The following C1orf21 variants were observed in gnomAD, a reference collection of about 807,000 sequenced individuals.
The protein encoded by C1orf21 is chromosome 1 open reading frame 21.
C1orf21 carries 3 observed loss-of-function variants against 18.7 expected under a neutral mutation model. The observed-to-expected ratio is 0.16, with a 90% CI of 0.07 to 0.42. C1orf21 has a LOEUF of 0.42. Among genes scored for constraint, C1orf21 ranks in the 10% least tolerant of loss-of-function variants. The pLI is 0.99. For synonymous variants in C1orf21, 41 were observed against 46.4 expected, an observed-to-expected ratio of 0.88 and a Z score of 0.47; for missense variants, 104 against 143.6, an observed-to-expected ratio of 0.72 and a Z score of 1.41.
intron 3 of C1orf21, among the ~76,000 whole-genome samples, chr1:184,518,278 GA>G (rs1322985428): frequency 4.6e-5 from 7 of 152,162 alleles, no homozygotes; most frequent in African/African-American, 1.7e-4. Flanking sequence ...TTCGGGAACA[GA>G]ATACTGGGAG....
intron 1 of C1orf21, among the ~76,000 whole-genome samples, chr1:184,404,437 C>T (rs1310566297): frequency 6.6e-6 from 1 of 152,134 alleles, no homozygotes; most frequent in Admixed American, 6.5e-5. Flanking sequence ...CCAGTCTTGG[C>T]TTCCAAGATG....
intron 3 of C1orf21, among the ~76,000 whole-genome samples, chr1:184,546,940 T>G (rs1658736470): frequency 6.6e-6 from 1 of 152,160 alleles, no homozygotes; most frequent in Admixed American, 6.5e-5. Context: ...TGACCCAATC[T>G]AATGCACAGG....
intron 3 of C1orf21, chr1:184,542,770 G>A (rs994711844): frequency 6.6e-6 from 1 of 152,212 alleles, no homozygotes; most frequent in Non-Finnish European, 1.5e-5. Context: ...GATTGTCTTT[G>A]TGTCTCTGAG....
At chr1:184,423,496 G>A (rs1571351086) in intron 1 of C1orf21, among the ~76,000 whole-genome samples, 2 of 152,118 alleles carry the variant, frequency 1.3e-5, no homozygotes, top group Non-Finnish European at 2.9e-5. Context: ...TTTTTGAGTA[G>A]GAGGGTGACA....
At chr1:184,553,857 T>C (rs962604139) in intron 3 of C1orf21, among the ~76,000 whole-genome samples, 10 of 152,210 alleles carry the variant, frequency 6.6e-5, no homozygotes, top group African/African-American at 2.4e-4. Flanking sequence ...AGGTCATTGT[T>C]GTTATTTGTT....
chr1:184,429,423 T>A (rs1354103579), intron 1 of C1orf21, among the ~76,000 whole-genome samples: 1 of 152,224 alleles, frequency 6.6e-6, no homozygotes, highest in Non-Finnish European at 1.5e-5. Context: ...AAAGAATCTA[T>A]GCAAGTCTCC....
intron 3 of C1orf21, among the ~76,000 whole-genome samples, chr1:184,512,101 A>C (rs1390454195): frequency 2.6e-5 from 4 of 152,202 alleles, no homozygotes; most frequent in Non-Finnish European, 5.9e-5. Flanking sequence ...GGCCCTCCCT[A>C]GGTGGTCTGT....
At position 184,580,076 on chromosome 1, in the gene C1orf21, G is replaced by A. The variant is rs1659255550; in HGVS notation, c.190-10663G>A. 2.0e-5 allele frequency among the ~76,000 whole-genome samples: 3 copies of A among 152,218 alleles called. No individual in the cohort carries two copies. In the South Asian group the frequency reaches 6.2e-4, roughly 32 times the overall value. ...CAAAACACTCTCCTAATAATCAGGT[G>A]TTATCATTCTTTGGCCCTCCAGAAA... On this transcript the variant is annotated intron_variant, in intron 3 of 5. Transcript: ENST00000235307.
rs5779224 is a variant in C1orf21, at chr1:184,551,943, TA to T, written c.190-38781del. 9.8e-3 allele frequency among the ~76,000 whole-genome samples: 1,374 copies of T among 139,724 alleles called. 7 individuals are homozygous for T. Among genetic ancestry groups the T allele is most frequent in the South Asian group, 0.023 (98 of 4,318 alleles). The allele number at this position is 139,724 out of a possible 152,430, so 91.7% of individuals were successfully genotyped here. ...TGGGTGACAGAAAGAGACCCTGTCTTAAAAAAAAAAAAAAAGGAACCTTGAG... is the reference window on the plus strand; with the variant it reads ...TGGGTGACAGAAAGAGACCCTGTCTTAAAAAAAAAAAAAAGGAACCTTGAG... On this transcript the variant is annotated intron_variant, in intron 3 of 5. Coordinates refer to ENST00000235307, the MANE Select transcript of C1orf21 (RefSeq NM_030806.4).
At chr1:184,416,448 G>A (rs886856776) in intron 1 of C1orf21, among the ~76,000 whole-genome samples, 4 of 151,824 alleles carry the variant, frequency 2.6e-5, no homozygotes, top group African/African-American at 9.7e-5. Context: ...TGTCTAAGTG[G>A]GAAATGCTGT....
chr1:184,494,812 G>A (rs1262771822), intron 2 of C1orf21, among the ~76,000 whole-genome samples: 1 of 151,206 alleles, frequency 6.6e-6, no homozygotes, highest in African/African-American at 2.4e-5. Flanking sequence ...GATTAATAGG[G>A]TCAAAATTCT....
At chr1:184,509,512 TA>T (rs1197430817) in intron 3 of C1orf21, among the ~76,000 whole-genome samples, 1 of 152,198 alleles carries the variant, frequency 6.6e-6, no homozygotes, top group Non-Finnish European at 1.5e-5. Flanking sequence ...CTGAAATTTC[TA>T]GACTGTTTTC....
At chr1:184,606,231 TTTACTC>T (rs1449256380) in intron 5 of C1orf21, among the ~76,000 whole-genome samples, 2 of 152,200 alleles carry the variant, frequency 1.3e-5, no homozygotes, top group Non-Finnish European at 2.9e-5. Flanking sequence ...GTTTGGAAGT[TTTACTC>T]TTAATTGTTG....
At chr1:184,430,632 C>T (rs542048253) in intron 1 of C1orf21, among the ~76,000 whole-genome samples, 22 of 152,176 alleles carry the variant, frequency 1.4e-4, no homozygotes, top group Admixed American at 3.3e-4. Flanking sequence ...TATACGAGGT[C>T]GAGACCTGTT....
intron 3 of C1orf21, among the ~76,000 whole-genome samples, chr1:184,561,831 T>C (rs1658969658): frequency 6.6e-6 from 1 of 152,134 alleles, no homozygotes; most frequent in African/African-American, 2.4e-5. Flanking sequence ...TTGGCCAGGC[T>C]AGTCTCTTGG....
chr1:184,416,973 G>A (rs757245981), intron 1 of C1orf21, among the ~76,000 whole-genome samples: 2 of 152,170 alleles, frequency 1.3e-5, no homozygotes, highest in Non-Finnish European at 2.9e-5. Flanking sequence ...AAGGGTCTGA[G>A]AAACAGGAGA....
At chr1:184,481,840 G>A (rs1657662654) in intron 2 of C1orf21, among the ~76,000 whole-genome samples, 1 of 152,174 alleles carries the variant, frequency 6.6e-6, no homozygotes, top group Non-Finnish European at 1.5e-5. Context: ...GGCTCTGGGG[G>A]AAGAATTACC....
At chr1:184,396,119 G>A (rs949528982) in intron 1 of C1orf21, among the ~76,000 whole-genome samples, 3 of 152,132 alleles carry the variant, frequency 2.0e-5, no homozygotes, top group African/African-American at 7.2e-5. Flanking sequence ...ATGATAGAGA[G>A]CAATGGGAGA....
At chr1:184,546,473 G>A (rs1352199545) in intron 3 of C1orf21, among the ~76,000 whole-genome samples, 6 of 152,174 alleles carry the variant, frequency 3.9e-5, no homozygotes, top group African/African-American at 1.4e-4. Flanking sequence ...TCTATTCTGT[G>A]CCAGACCCTG....
Sources: allele counts gnomAD v4.1 joint callset (sites outside exome capture counted in the v4.1 genomes callset), GRCh38; gene constraint gnomAD v4.1.1; transcripts MANE v1.5; gene names NCBI Gene and HGNC (gene_info 2026-07-23, HGNC 2026-07-21).